FLI1: variants seen among roughly 807,000 people sequenced by gnomAD.
FLI1 encodes the protein Friend leukemia integration 1 transcription factor.
Under a neutral mutation model 53.1 loss-of-function variants are expected in FLI1, and 13 were observed. That is an observed-to-expected ratio of 0.24 (90% CI 0.16 to 0.39). The LOEUF (loss-of-function observed/expected upper bound fraction) is 0.39. Ranked by LOEUF, FLI1 falls within the 10% of genes least tolerant of loss-of-function variation. The pLI is 1.00. For missense variants in FLI1, 424 were observed against 600.5 expected, an observed-to-expected ratio of 0.71 and a Z score of 3.07; for synonymous variants, 244 against 236.7, an observed-to-expected ratio of 1.03 and a Z score of -0.28.
chr11:128,715,540 A>T (rs1938973840), intron 1 of FLI1, among the ~76,000 whole-genome samples: 1 of 152,210 alleles, frequency 6.6e-6, no homozygotes, highest in Non-Finnish European at 1.5e-5. Flanking sequence ...TTTATTAATA[A>T]GATCTCAATT....
intron 1 of FLI1, among the ~76,000 whole-genome samples, chr11:128,694,557 G>A (rs1240569597): frequency 9.8e-6 from 1 of 102,426 alleles, no homozygotes; most frequent in African/African-American, 4.0e-5. Context: ...CTGCAGGAGG[G>A]GACGGCGGGA....
At chr11:128,782,793 G>A (rs182791529) in intron 5 of FLI1, among the ~76,000 whole-genome samples, 5 of 152,206 alleles carry the variant, frequency 3.3e-5, no homozygotes, top group South Asian at 2.1e-4. Context: ...AAACTTCCTC[G>A]GCAAATGATT....
chr11:128,713,058 A>G (rs1442364598), intron 1 of FLI1, among the ~76,000 whole-genome samples: 1 of 152,140 alleles, frequency 6.6e-6, no homozygotes, highest in East Asian at 1.9e-4. Flanking sequence ...GCGAAGGTCA[A>G]TCCTGTGTCC....
chr11:128,714,173 G>C (rs536506189), intron 1 of FLI1, among the ~76,000 whole-genome samples: 3 of 149,452 alleles, frequency 2.0e-5, no homozygotes, highest in Admixed American at 6.7e-5. Flanking sequence ...GAAAGCTCTG[G>C]GTTTCAACTT....
chr11:128,782,080 C>T, intron 5 of FLI1, 57 bp downstream of exon 5: 2 of 1,356,968 alleles, frequency 1.5e-6, no homozygotes, highest in Non-Finnish European at 2.1e-6. Flanking sequence ...ATGACACAGG[C>T]CCATGCTGTT....
chr11:128,801,814 A>C (rs1942645814), intron 5 of FLI1, among the ~76,000 whole-genome samples: 1 of 152,216 alleles, frequency 6.6e-6, no homozygotes, highest in South Asian at 2.1e-4. Flanking sequence ...CCCTGTTCTA[A>C]GTGCTTGGAT....
intron 2 of FLI1, among the ~76,000 whole-genome samples, chr11:128,765,158 G>C (rs1326590022): frequency 1.3e-5 from 2 of 152,214 alleles, no homozygotes; most frequent in African/African-American, 4.8e-5. Flanking sequence ...CCCAGCAAGA[G>C]AGCCCCCTCC....
At chr11:128,729,096 T>G (rs1047384175) in intron 1 of FLI1, among the ~76,000 whole-genome samples, 6 of 152,168 alleles carry the variant, frequency 3.9e-5, no homozygotes, top group Admixed American at 6.5e-5. Flanking sequence ...GCTGCAGGGA[T>G]TCTTCTGCTA....
chr11:128,708,604 C>T (rs969853125), intron 1 of FLI1, among the ~76,000 whole-genome samples: 1 of 152,164 alleles, frequency 6.6e-6, no homozygotes, highest in African/African-American at 2.4e-5. Flanking sequence ...AGGATTAAGG[C>T]TTCTTGATGA....
chr11:128,811,060 G>C lies in FLI1; in HGVS notation c.*72G>C. ...TTACTGGATGCTTTGGACTCAACAG[G>C]ACATATGTGGCCTTGAAGGGAAGAC... On this transcript the variant is annotated 3_prime_UTR_variant, in exon 9 of 9. Coordinates refer to ENST00000527786, the MANE Select transcript of FLI1 (RefSeq NM_002017.5). 7.1e-7 allele frequency: 1 copy of C among 1,410,774 alleles called. No homozygotes were observed. Among genetic ancestry groups the C allele is most frequent in the Middle Eastern group, 1.8e-4 (1 of 5,674 alleles). The allele number at this position is 1,410,774 out of a possible 1,614,324, so 87.4% of individuals were successfully genotyped here.
chr11:128,723,933 ATTTTTTTTTTTTTTT>A (rs376612983), intron 1 of FLI1, among the ~76,000 whole-genome samples: 1 of 80,976 alleles, frequency 1.2e-5, no homozygotes, highest in African/African-American at 5.2e-5. Context: ...AATGGAGTTG[ATTTTTTTTTTTTTTT>A]TTTTTTTTTT....
intron 1 of FLI1, among the ~76,000 whole-genome samples, chr11:128,730,990 T>G (rs1462397812): frequency 1.3e-5 from 2 of 152,240 alleles, no homozygotes; most frequent in Non-Finnish European, 2.9e-5. Context: ...GTGGAGTAGT[T>G]AATTTTACAA....
intron 4 of FLI1, among the ~76,000 whole-genome samples, chr11:128,773,407 A>C (rs538488887): frequency 6.6e-6 from 1 of 152,140 alleles, no homozygotes; most frequent in Admixed American, 6.5e-5. Context: ...AATAATTTAC[A>C]TATTAGCTTC....
chr11:128,713,653 G>T (rs1228921913), intron 1 of FLI1, among the ~76,000 whole-genome samples: 1 of 151,920 alleles, frequency 6.6e-6, no homozygotes, highest in Non-Finnish European at 1.5e-5. Context: ...GTTGTTATAA[G>T]TGCAAAGGGT....
At chr11:128,766,485 C>G (rs556042938) in intron 2 of FLI1, among the ~76,000 whole-genome samples, 1 of 152,190 alleles carries the variant, frequency 6.6e-6, no homozygotes. Flanking sequence ...AAATTACCGT[C>G]TGACTTCTAA....
intron 3 of FLI1, among the ~76,000 whole-genome samples, chr11:128,769,879 A>G (rs1419260472): frequency 5.3e-5 from 8 of 152,214 alleles, no homozygotes; most frequent in African/African-American, 1.7e-4. Flanking sequence ...AAAGCAGACA[A>G]TGAAACTGTA....
chr11:128,786,473 T>A (rs923174516), intron 5 of FLI1, among the ~76,000 whole-genome samples: 7 of 152,198 alleles, frequency 4.6e-5, no homozygotes, highest in African/African-American at 1.7e-4. Flanking sequence ...CCTCATTCAG[T>A]CCTCTAAAAA....
chr11:128,749,407 G>A (rs1017123720), intron 1 of FLI1, among the ~76,000 whole-genome samples: 4 of 152,158 alleles, frequency 2.6e-5, no homozygotes. Context: ...TGTGGCCTCG[G>A]TTCCTCTCCT....
intron 3 of FLI1, among the ~76,000 whole-genome samples, chr11:128,771,791 C>T (rs1042672391): frequency 6.6e-6 from 1 of 152,158 alleles, no homozygotes; most frequent in Non-Finnish European, 1.5e-5. Context: ...GCCACACAGT[C>T]CATTGCTTAG....
Sources: gnomAD v4.1 joint callset for allele counts (sites outside exome capture counted in the v4.1 genomes callset) on GRCh38, gnomAD v4.1.1 for gene constraint, MANE v1.5 for transcripts, NCBI Gene and HGNC (gene_info 2026-07-23, HGNC 2026-07-21) for gene names.